NUSAP1: variants seen among roughly 807,000 people sequenced by gnomAD.
NUSAP1 encodes the protein nucleolar and spindle associated protein 1, also known as nucleolar and spindle-associated protein 1.
In NUSAP1, 32 loss-of-function variants were observed where a neutral mutation model predicts 52.8. That is an observed-to-expected ratio of 0.61 (90% CI 0.46 to 0.81). The LOEUF is 0.81. Ranked by LOEUF, NUSAP1 falls within the 40% of genes least tolerant of loss-of-function variation. The pLI is 0.00. For missense variants in NUSAP1, 499 were observed against 522.3 expected (o/e 0.96, Z 0.43); for synonymous variants, 195 against 183.1 (o/e 1.06, Z -0.52).
At chr15:41,345,424 A>AAT in intron 2 of NUSAP1, 1 of 412,142 alleles carries the variant, frequency 2.4e-6, no homozygotes. Flanking sequence ...AGGGAAAAAA[A>AAT]ATCTCTTCTC....
Position 41,351,135 on chromosome 15 carries a change from C to G in NUSAP1, c.448+6C>G. 6.2e-7 allele frequency: 1 copy of G among 1,603,918 alleles called. No individual in the cohort carries two copies. The highest frequency in any genetic ancestry group is 8.5e-7 in the Non-Finnish European group (1 of 1,177,398). ...TGAGAATGCTGTTTCCTCAGGTAAA[C>G]GTGGAATAAATGGTATGTCAAGTAA... On this transcript the variant is annotated splice_donor_region_variant and intron_variant, in intron 4 of 10. Transcript: ENST00000559596.
chr15:41,343,647 C>G (rs1419404572), intron 2 of NUSAP1, among the ~76,000 whole-genome samples: 1 of 151,868 alleles, frequency 6.6e-6, no homozygotes, highest in Non-Finnish European at 1.5e-5. Context: ...AGCCACCATG[C>G]CCGGCCCATT....
intron 1 of NUSAP1, among the ~76,000 whole-genome samples, chr15:41,338,955 ACT>A (rs1277296306): frequency 6.6e-6 from 1 of 150,624 alleles, no homozygotes; most frequent in Non-Finnish European, 1.5e-5. Flanking sequence ...ACAGAGCGAG[ACT>A]CTGTCTCCAA....
Position 41,351,052 on chromosome 15 carries a change from G to T in NUSAP1, c.371G>T (p.Ser124Ile), listed in dbSNP as rs754072283. Residue 124 changes from serine (S) to isoleucine (I), a missense_variant, in exon 4 of 11, where the codon AGC becomes ATC. Ser to Ile is a moderately radical substitution (Grantham distance 142). Coordinates refer to ENST00000559596, the MANE Select transcript of NUSAP1 (RefSeq NM_016359.5). Reference protein sequence around the residue: ...TEFQNHEKQESQDLRATAKVP... With the variant: ...TEFQNHEKQEIQDLRATAKVP... ...TTCCAGAATCATGAAAAGCAGGAAA[G>T]CCAGGATCTCAGAGCTACTGCAAAA... 2.1e-5 allele frequency: 34 copies of T among 1,613,398 alleles called. No individual in the cohort carries two copies. The East Asian group carries it at 7.4e-4, about 35-fold the overall frequency.
intron 1 of NUSAP1, among the ~76,000 whole-genome samples, chr15:41,333,796 C>T (rs1045190536): frequency 6.6e-6 from 1 of 152,124 alleles, no homozygotes; most frequent in African/African-American, 2.4e-5. Flanking sequence ...CCTGTGATCC[C>T]AGCTACTTGG....
intron 7 of NUSAP1, among the ~76,000 whole-genome samples, chr15:41,366,359 T>A (rs2049413477): frequency 6.6e-6 from 1 of 151,274 alleles, no homozygotes; most frequent in African/African-American, 2.4e-5. Context: ...GACGAGATCT[T>A]GACTCACTGC....
Position 41,365,543 on chromosome 15 carries a change from G to C in NUSAP1, c.802G>C (p.Gly268Arg), listed in dbSNP as rs767319326. The C allele has an allele frequency of 5.6e-6, 9 of 1,612,660 alleles. No homozygotes were observed. Among genetic ancestry groups the C allele is most frequent in the Non-Finnish European group, 7.6e-6 (9 of 1,179,336 alleles). The change falls in exon 7 of 11, where the codon GGG becomes CGG. Residue 268 changes from glycine to arginine, a missense_variant. By Grantham distance (125) the Gly-to-Arg change is moderately radical. Coordinates refer to ENST00000559596, the MANE Select transcript of NUSAP1 (RefSeq NM_016359.5). ...PASQSTLGLK[G>R]SLKRSAISAA... is the part of the protein sequence containing the mutation. ...AAGTCAGAGTACCTTGGGTCTGAAG[G>C]GGTCACTCAAGCGCTCTGCTATCTC...
At chr15:41,361,864 AT>A (rs2140736069) in intron 6 of NUSAP1, among the ~76,000 whole-genome samples, 1 of 152,248 alleles carries the variant, frequency 6.6e-6, no homozygotes, top group African/African-American at 2.4e-5. Context: ...AAAAAAAAAA[AT>A]TACAATAACT....
At chr15:41,341,637 T>C (rs1234283662) in intron 1 of NUSAP1, among the ~76,000 whole-genome samples, 3 of 152,180 alleles carry the variant, frequency 2.0e-5, no homozygotes, top group Admixed American at 2.0e-4. Flanking sequence ...CTGATTTCAC[T>C]TCCTAAGAAG....
At chr15:41,371,820 G>A (rs1230401186) in intron 8 of NUSAP1, 136 bp downstream of exon 8, 1 of 996,624 alleles carries the variant, frequency 1.0e-6, no homozygotes, top group African/African-American at 1.7e-5. Context: ...ACCCAGGCTA[G>A]AGTGTAATGG....
chr15:41,361,181 G>A (rs987067223), intron 6 of NUSAP1, among the ~76,000 whole-genome samples: 52 of 151,626 alleles, frequency 3.4e-4, no homozygotes, highest in African/African-American at 1.1e-3. Context: ...ATCACCTGAG[G>A]TCAGGGGTTT....
chr15:41,375,678 A>T (rs1323095608), intron 8 of NUSAP1, 34 bp from the exon 9 acceptor site: 11 of 1,318,328 alleles, frequency 8.3e-6, no homozygotes, highest in South Asian at 1.2e-5. Flanking sequence ...TTTGTTTCTA[A>T]TTAAGCTCTT....
chr15:41,342,582 A>G (rs746728574), intron 2 of NUSAP1, 128 bp downstream of exon 2: 93 of 667,048 alleles, frequency 1.4e-4, no homozygotes, highest in Admixed American at 1.0e-3. Context: ...TCACGCCTAT[A>G]CTCCTAGCAC....
chr15:41,377,526 C>T (rs998511841), intron 10 of NUSAP1, among the ~76,000 whole-genome samples: 2 of 150,824 alleles, frequency 1.3e-5, no homozygotes, highest in Admixed American at 6.7e-5. Flanking sequence ...GGTGAAACCC[C>T]GTCTCTACTA....
chr15:41,364,246 A>G (rs528513584), intron 6 of NUSAP1, among the ~76,000 whole-genome samples: 1 of 151,998 alleles, frequency 6.6e-6, no homozygotes, highest in African/African-American at 2.4e-5. Context: ...TTATGTCTCT[A>G]GTTAGAAAAT....
intron 4 of NUSAP1, among the ~76,000 whole-genome samples, chr15:41,353,177 GTC>G (rs796109803): frequency 1.3e-5 from 2 of 152,076 alleles, no homozygotes; most frequent in Non-Finnish European, 2.9e-5. Flanking sequence ...TTGAGACAGA[GTC>G]TCTCTCTGTT....
intron 3 of NUSAP1, among the ~76,000 whole-genome samples, chr15:41,349,766 C>CTTTTTTTTTTTTTTT (rs1181209511): frequency 8.1e-6 from 1 of 123,546 alleles, no homozygotes; most frequent in African/African-American, 3.0e-5. Flanking sequence ...TTTTTCTTTT[C>CTTTTTTTTTTTTTTT]TTTTTTTTTT....
chr15:41,340,583 C>T (rs1020215312), intron 1 of NUSAP1, among the ~76,000 whole-genome samples: 4 of 152,152 alleles, frequency 2.6e-5, no homozygotes, highest in Non-Finnish European at 4.4e-5. Context: ...TCTTGAACAC[C>T]ACCTCATATC....
intron 5 of NUSAP1, 47 bp downstream of exon 5, chr15:41,356,187 C>A (rs200384815): frequency 2.8e-6 from 3 of 1,063,534 alleles, no homozygotes; most frequent in Non-Finnish European, 4.3e-6. Context: ...TGCCCCACTT[C>A]GGAATGATGT....
Sources: gnomAD v4.1 joint callset for allele counts (sites outside exome capture counted in the v4.1 genomes callset) on GRCh38, gnomAD v4.1.1 for gene constraint, MANE v1.5 for transcripts, NCBI Gene and HGNC (gene_info 2026-07-23, HGNC 2026-07-21) for gene names.